The following PGS1 variants were observed in gnomAD, a reference collection of about 807,000 sequenced individuals.
PGS1 encodes the protein phosphatidylglycerophosphate synthase 1, also known as CDP-diacylglycerol--glycerol-3-phosphate 3-phosphatidyltransferase, mitochondrial.
A neutral mutation model predicts 58.3 loss-of-function variants in PGS1; 44 were observed. The observed-to-expected ratio is 0.75, with a 90% CI of 0.59 to 0.97. PGS1 has a LOEUF of 0.97. Ranked by LOEUF, PGS1 falls within the 50% of genes least tolerant of loss-of-function variation. The probability of loss-of-function intolerance (pLI) is 0.00; values close to 1 mark genes in which losing one functional copy is unlikely to be tolerated. For synonymous variants in PGS1, 330 were observed against 311.0 expected (o/e 1.06, Z -0.64); for missense variants, 684 against 731.1 (o/e 0.94, Z 0.74).
chr17:78,378,871 C>G, intron 1 of PGS1, 63 bp downstream of exon 1: 2 of 1,347,780 alleles, frequency 1.5e-6, no homozygotes, highest in Non-Finnish European at 1.9e-6. Flanking sequence ...CCCCGGCGCT[C>G]AAACTCCCGG....
At chr17:78,401,157 T>TATGC (rs1390796867) in intron 6 of PGS1, among the ~76,000 whole-genome samples, 2 of 151,976 alleles carry the variant, frequency 1.3e-5, no homozygotes, top group African/African-American at 2.4e-5. Flanking sequence ...CAGGCAAGGG[T>TATGC]ATGCAGCAGC....
At chr17:78,397,425 G>C (rs1033446344) in intron 3 of PGS1, among the ~76,000 whole-genome samples, 27 of 101,502 alleles carry the variant, frequency 2.7e-4, no homozygotes, top group South Asian at 6.8e-4. Flanking sequence ...GCCTCTCCTA[G>C]GAAGGAGGCC....
chr17:78,386,474 A>G (rs924573443), intron 1 of PGS1, among the ~76,000 whole-genome samples: 2 of 152,188 alleles, frequency 1.3e-5, no homozygotes, highest in African/African-American at 2.4e-5. Context: ...CCTTCCCATA[A>G]CTAGAACTGG....
At chr17:78,380,457 G>A (rs1291530394) in intron 1 of PGS1, among the ~76,000 whole-genome samples, 1 of 152,214 alleles carries the variant, frequency 6.6e-6, no homozygotes, top group Non-Finnish European at 1.5e-5. Flanking sequence ...AATCAGGGCA[G>A]GATGGCGCTC....
At position 78,401,703 on chromosome 17, in the gene PGS1, A is replaced by T. The variant is rs543683753; in HGVS notation, c.880+848A>T. ...GGGGAGCCCTGGGCCTCAGACCCCG[A>T]CCGTGATGGTGTGATGCTCTGCCTG... On this transcript the variant is annotated intron_variant, in intron 6 of 9. Coordinates refer to ENST00000262764, the MANE Select transcript of PGS1 (RefSeq NM_024419.5). Among the ~76,000 whole-genome samples, 10 of 152,232 alleles carry T rather than the reference A, an allele frequency of 6.6e-5. 1 individual carries two copies. In the South Asian group the frequency reaches 1.9e-3, roughly 28 times the overall value.
Position 78,403,743 on chromosome 17 carries a change from TCCGC to T in PGS1, c.1057_1060del (p.Pro353Ter), listed in dbSNP as rs2083883567. The T allele has an allele frequency of 5.6e-6, 9 of 1,614,094 alleles. No homozygotes were observed. The highest frequency in any genetic ancestry group is 7.6e-6 in the Non-Finnish European group (9 of 1,180,042). ...GACCAGCCCCTGACACCTGGATTTA[TCCGC>T]TGATTCAGATGAAGCCCTTCGAGAT... On this transcript the variant is annotated frameshift_variant, in exon 7 of 10. Transcript: ENST00000262764. LOFTEE classifies it high-confidence loss of function.
In PGS1 at chr17:78,403,559, C is replaced by G; in HGVS notation, c.881-9C>G. On this transcript the variant is annotated splice_polypyrimidine_tract_variant and intron_variant, in intron 6 of 9. Transcript: ENST00000262764. The stretch of plus-strand genomic sequence containing the variant: ...TCTTCCCTTCACTCTTCTTTCACGT[C>G]TTCCCCAGGGGACCGGGCCGAGTAC... 4 of 1,606,234 alleles carry G rather than the reference C, an allele frequency of 2.5e-6. No homozygotes were observed. The highest frequency in any genetic ancestry group is 3.4e-6 in the Non-Finnish European group (4 of 1,173,794).
rs1028459251 is a variant in PGS1 at position 78,400,586 on chromosome 17, C to G, written c.702-91C>G. On this transcript the variant is annotated intron_variant, in intron 5 of 9. Transcript: ENST00000262764. This position sits in a 1 kb window ranked among gnomAD's most constrained non-coding sequence, Gnocchi z 4.4. Reference sequence around the variant, plus strand: ...CATCTTGACCTGAGTTTGTCACCCCCCTGCTAGTTCACCTGAGACCTGGGT... The same window carrying G: ...CATCTTGACCTGAGTTTGTCACCCCGCTGCTAGTTCACCTGAGACCTGGGT... 9.6e-7 allele frequency: 1 copy of G among 1,043,002 alleles called. No individual in the cohort carries two copies. The highest frequency in any genetic ancestry group is 1.4e-5 in the South Asian group (1 of 73,558). 64.6% of individuals were successfully genotyped at this position (1,043,002 alleles called of 1,614,324 possible).
chr17:78,410,065 C>G (rs1248679508), intron 7 of PGS1, among the ~76,000 whole-genome samples: 2 of 152,036 alleles, frequency 1.3e-5, no homozygotes, highest in Non-Finnish European at 2.9e-5. Context: ...GAGCTGAGCT[C>G]GTGCCACTGT....
intron 1 of PGS1, among the ~76,000 whole-genome samples, chr17:78,382,991 T>C (rs1033956429): frequency 5.9e-5 from 9 of 152,140 alleles, no homozygotes; most frequent in Admixed American, 2.0e-4. Flanking sequence ...AAGTGGGAAA[T>C]GTATCATGAA....
At chr17:78,390,062 T>TTCCCCCCCCCCCCCCCCCCCCCCGCC in intron 1 of PGS1, among the ~76,000 whole-genome samples, 1 of 128,602 alleles carries the variant, frequency 7.8e-6, no homozygotes, top group South Asian at 2.6e-4. Flanking sequence ...TGTTGCCTGT[T>TTCCCCCCCCCCCCCCCCCCCCCCGCC]CCCCCGCCCC....
intron 1 of PGS1, among the ~76,000 whole-genome samples, chr17:78,387,546 G>T (rs965143108): frequency 2.0e-5 from 3 of 149,782 alleles, no homozygotes; most frequent in Non-Finnish European, 4.4e-5. Flanking sequence ...TGATATGCCC[G>T]CCTTGGCCTC....
intron 7 of PGS1, among the ~76,000 whole-genome samples, chr17:78,410,577 C>G (rs2084579186): frequency 1.4e-5 from 2 of 142,452 alleles, no homozygotes; most frequent in South Asian, 2.3e-4. Context: ...GGGTTTAAGC[C>G]ATTCTTCTGC....
intron 1 of PGS1, among the ~76,000 whole-genome samples, chr17:78,390,808 C>T (rs1263265133): frequency 6.6e-6 from 1 of 152,168 alleles, no homozygotes; most frequent in African/African-American, 2.4e-5. Flanking sequence ...TCTCCTTCAG[C>T]CTTGGCCTCA....
chr17:78,383,837 C>T (rs1005917612), intron 1 of PGS1, among the ~76,000 whole-genome samples: 1 of 152,160 alleles, frequency 6.6e-6, no homozygotes, highest in Admixed American at 6.5e-5. Flanking sequence ...ATGTGAGTAT[C>T]CCTGAGCACG....
chr17:78,396,298 C>T lies in PGS1; in HGVS notation c.334-10C>T, dbSNP rs1197477804. The T allele has an allele frequency of 2.3e-5, 37 of 1,607,536 alleles. No individual in the cohort carries two copies. The highest frequency in any genetic ancestry group is 2.8e-5 in the Non-Finnish European group (33 of 1,174,134). ...ATGAATTTGAATTTTGAATTTTTCT[C>T]CTCTCTCAGGGGCAGATAAGAGTAG... is the stretch of plus-strand genomic sequence containing the variant. On this transcript the variant is annotated splice_polypyrimidine_tract_variant and intron_variant, in intron 2 of 9. Coordinates refer to ENST00000262764, the MANE Select transcript of PGS1 (RefSeq NM_024419.5).
At chr17:78,404,154 G>T in intron 7 of PGS1, 65 bp downstream of exon 7, 2 of 1,443,214 alleles carry the variant, frequency 1.4e-6, no homozygotes, top group Non-Finnish European at 1.8e-6. Context: ...CAGGGGGTGG[G>T]GAGCCCTGGC....
At chr17:78,396,184 A>G in intron 2 of PGS1, 124 bp from the exon 3 acceptor site, 2 of 715,462 alleles carry the variant, frequency 2.8e-6, no homozygotes, top group Non-Finnish European at 5.0e-6. Context: ...TTTAAATATT[A>G]ATTGGTGAAG....
chr17:78,385,718 G>C (rs1286475732), intron 1 of PGS1, among the ~76,000 whole-genome samples: 1 of 152,192 alleles, frequency 6.6e-6, no homozygotes, highest in Non-Finnish European at 1.5e-5. Context: ...CACTGTGCCC[G>C]GCCCCCGGGT....
Sources: gnomAD v4.1 joint callset for allele counts (sites outside exome capture counted in the v4.1 genomes callset) on GRCh38, gnomAD v4.1.1 for gene constraint, Gnocchi (gnomAD v3.1) non-coding constraint, MANE v1.5 for transcripts, NCBI Gene and HGNC (gene_info 2026-07-23, HGNC 2026-07-21) for gene names.